The following CFAP100 variants were observed in gnomAD, a reference collection of about 807,000 sequenced individuals.
CFAP100 encodes the protein cilia and flagella associated protein 100.
A neutral mutation model predicts 81.5 loss-of-function variants in CFAP100; 70 were observed. The observed-to-expected ratio is 0.86, with a 90% CI of 0.71 to 1.05. The LOEUF is 1.05. Ranked by LOEUF, CFAP100 falls within the 50% of genes least tolerant of loss-of-function variation. The pLI is 0.00. For missense variants in CFAP100, 811 were observed against 776.5 expected (o/e 1.04, Z -0.53); for synonymous variants, 341 against 314.8 (o/e 1.08, Z -0.88).
intron 2 of CFAP100, among the ~76,000 whole-genome samples, chr3:126,406,477 A>G (rs2083065814): frequency 6.6e-6 from 1 of 152,132 alleles, no homozygotes; most frequent in African/African-American, 2.4e-5. Flanking sequence ...TCCGAGCTGC[A>G]AAGTATTCCT....
chr3:126,434,340 C>A lies in CFAP100; in HGVS notation c.1587C>A (p.Ile529=), dbSNP rs750998986. ...TGGAGCACGTGCCCCAGGTCAAGATCGAGCAGGCCGAGAGGGCAAAGGAGA... is the reference window on the plus strand; with the variant it reads ...TGGAGCACGTGCCCCAGGTCAAGATAGAGCAGGCCGAGAGGGCAAAGGAGA... ...ENLEHVPQVK[I]EQAERAKEKE... is the part of the protein sequence containing the mutation. The change falls in exon 15 of 17, where the codon ATC becomes ATA. Residue 529 remains isoleucine, a synonymous_variant. Coordinates refer to ENST00000352312, the MANE Select transcript of CFAP100 (RefSeq NM_182628.3). 2 of 1,614,020 alleles carry A rather than the reference C, an allele frequency of 1.2e-6. No individual in the cohort carries two copies. Among genetic ancestry groups the A allele is most frequent in the East Asian group, 2.2e-5 (1 of 44,870 alleles).
rs986037255 is a variant in CFAP100 at position 126,423,777 on chromosome 3, G to C, written c.1286+133G>C. 19 of 1,142,740 alleles carry C rather than the reference G, an allele frequency of 1.7e-5. No homozygotes were observed. The Middle Eastern group carries it at 1.5e-3, about 89-fold the overall frequency. 70.8% of individuals were successfully genotyped at this position (1,142,740 alleles called of 1,614,324 possible). A position where few individuals can be genotyped will look rare whatever the true frequency, so the allele number is the denominator to read the frequency against. ...TGGCCTGGTCCAGGTTGTCTGAAAA[G>C]CTCCGAGCGAAGCTCCGTTTGTGGG... On this transcript the variant is annotated intron_variant, in intron 13 of 16. Transcript: ENST00000352312.
chr3:126,418,780 C>A lies in CFAP100; in HGVS notation c.650+6C>A, dbSNP rs2083283016. On this transcript the variant is annotated splice_donor_region_variant and intron_variant, in intron 7 of 16. Coordinates refer to ENST00000352312, the MANE Select transcript of CFAP100 (RefSeq NM_182628.3). ...TCCGTGCAGGCCATGAGAGCGTGAGCCTGCGGGCCCGAGGGGCTGGCTGGG... is the reference window on the plus strand; with the variant it reads ...TCCGTGCAGGCCATGAGAGCGTGAGACTGCGGGCCCGAGGGGCTGGCTGGG... 1.3e-6 allele frequency: 2 copies of A among 1,578,296 alleles called. No individual in the cohort carries two copies. The highest frequency in any genetic ancestry group is 1.9e-5 in the Admixed American group (1 of 52,284).
chr3:126,419,983 C>T lies in CFAP100; in HGVS notation c.917C>T (p.Pro306Leu). Residue 306 changes from proline to leucine, a missense_variant, in exon 10 of 17, where the codon CCA becomes CTA. Pro to Leu is a moderately conservative substitution (Grantham distance 98, BLOSUM62 -3). Transcript: ENST00000352312. The part of the protein sequence containing the change: ...SVNSTPGDKG[P>L]GIKGKASSMW... ...GCCCCCCCTTTGCTTCCTGCAGGAC[C>T]AGGGATCAAGGGCAAGGCGAGCTCC... 1 of 1,613,096 alleles carries T rather than the reference C, an allele frequency of 6.2e-7. No individual in the cohort carries two copies. The highest frequency in any genetic ancestry group is 8.5e-7 in the Non-Finnish European group (1 of 1,179,964).
At chr3:126,419,839 G>C (rs1356184326) in intron 9 of CFAP100, 21 bp downstream of exon 9, 6 of 1,612,320 alleles carry the variant, frequency 3.7e-6, no homozygotes, top group Non-Finnish European at 4.2e-6. Flanking sequence ...AGAGAATGTG[G>C]GTTCCCAGGT....
At chr3:126,420,463 G>A (rs909052392) in intron 11 of CFAP100, among the ~76,000 whole-genome samples, 3 of 152,256 alleles carry the variant, frequency 2.0e-5, no homozygotes, top group African/African-American at 4.8e-5. Context: ...TGAGGCGGGT[G>A]AGCAGGTGTA....
At position 126,418,794 on chromosome 3, in the gene CFAP100, G is replaced by A; in HGVS notation, c.650+20G>A. On this transcript the variant is annotated intron_variant, in intron 7 of 16. Transcript: ENST00000352312. Reference sequence around the variant, plus strand: ...GAGAGCGTGAGCCTGCGGGCCCGAGGGGCTGGCTGGGCAATGCCGAACCCC... The same window carrying A: ...GAGAGCGTGAGCCTGCGGGCCCGAGAGGCTGGCTGGGCAATGCCGAACCCC... 6 of 1,557,496 alleles carry A rather than the reference G, an allele frequency of 3.9e-6. No individual in the cohort carries two copies. The highest frequency in any genetic ancestry group is 2.1e-5 in the Admixed American group (1 of 47,752).
chr3:126,415,541 A>T (rs998504485), intron 4 of CFAP100, among the ~76,000 whole-genome samples: 2 of 152,128 alleles, frequency 1.3e-5, no homozygotes, highest in African/African-American at 4.8e-5. Context: ...GACTGCAGTG[A>T]TGGGGACGTG....
chr3:126,396,879 T>A (rs984411211), intron 2 of CFAP100, among the ~76,000 whole-genome samples: 2 of 152,198 alleles, frequency 1.3e-5, no homozygotes, highest in Non-Finnish European at 2.9e-5. Context: ...GGAATTTAAT[T>A]TGGTTTTGAC....
chr3:126,405,296 A>G (rs2083045731), intron 2 of CFAP100, among the ~76,000 whole-genome samples: 1 of 152,154 alleles, frequency 6.6e-6, no homozygotes. Context: ...TTTGTGTGTA[A>G]GCAGGTGAGC....
chr3:126,408,119 G>T (rs186902629), intron 3 of CFAP100, among the ~76,000 whole-genome samples: 1 of 152,098 alleles, frequency 6.6e-6, no homozygotes, highest in South Asian at 2.1e-4. Flanking sequence ...TGGAGCCAAC[G>T]AGTTTCACAG....
chr3:126,414,034 A>C, intron 3 of CFAP100, 51 bp from the exon 4 acceptor site: 1 of 1,373,026 alleles, frequency 7.3e-7, no homozygotes, highest in Non-Finnish European at 1.0e-6. Context: ...GACAGAGACC[A>C]CCGCCTGGAA....
Position 126,433,059 on chromosome 3 carries a change from C to T in CFAP100, c.1287-10C>T. ...GTGACTGATGCCCTGCCGGTTTTCCCCTCTTCCAGGGACAGGGAGGTCAAC... is the reference window on the plus strand; with the variant it reads ...GTGACTGATGCCCTGCCGGTTTTCCTCTCTTCCAGGGACAGGGAGGTCAAC... On this transcript the variant is annotated splice_polypyrimidine_tract_variant and intron_variant, in intron 13 of 16. Coordinates refer to ENST00000352312, the MANE Select transcript of CFAP100 (RefSeq NM_182628.3). The T allele has an allele frequency of 3.1e-6, 5 of 1,613,872 alleles. No homozygotes were observed. Among genetic ancestry groups the T allele is most frequent in the Non-Finnish European group, 4.2e-6 (5 of 1,179,886 alleles).
intron 3 of CFAP100, among the ~76,000 whole-genome samples, chr3:126,411,327 G>A (rs538563558): frequency 1.4e-5 from 2 of 145,886 alleles, no homozygotes; most frequent in Non-Finnish European, 3.0e-5. Context: ...TGTTCATCAG[G>A]GAAACTGGTC....
intron 3 of CFAP100, among the ~76,000 whole-genome samples, chr3:126,411,574 A>G (rs988358589): frequency 2.0e-5 from 3 of 151,866 alleles, no homozygotes; most frequent in African/African-American, 7.3e-5. Context: ...TTTTTAAATT[A>G]TGGATTCAAT....
intron 2 of CFAP100, among the ~76,000 whole-genome samples, chr3:126,396,308 G>A (rs937458407): frequency 6.6e-6 from 1 of 152,300 alleles, no homozygotes; most frequent in East Asian, 1.9e-4. Flanking sequence ...TTGTCCAAAA[G>A]GCTAGGTCCC....
At chr3:126,395,682 T>C (rs1210651684) in intron 1 of CFAP100, among the ~76,000 whole-genome samples, 8 of 152,086 alleles carry the variant, frequency 5.3e-5, no homozygotes, top group Non-Finnish European at 1.2e-4. Context: ...CAGCTGGGTA[T>C]GGGAGAATAT....
At chr3:126,403,189 G>A (rs2083012831) in intron 2 of CFAP100, among the ~76,000 whole-genome samples, 1 of 152,124 alleles carries the variant, frequency 6.6e-6, no homozygotes, top group South Asian at 2.1e-4. Flanking sequence ...AGGCCCAGAG[G>A]TCAGGAGAGT....
At chr3:126,409,884 T>A (rs540736276) in intron 3 of CFAP100, among the ~76,000 whole-genome samples, 1 of 152,196 alleles carries the variant, frequency 6.6e-6, no homozygotes, top group African/African-American at 2.4e-5. Context: ...TTTCACTCTC[T>A]GAGTGGTGCT....
Sources: allele counts gnomAD v4.1 joint callset (sites outside exome capture counted in the v4.1 genomes callset), GRCh38; gene constraint gnomAD v4.1.1; transcripts MANE v1.5; gene names NCBI Gene and HGNC (gene_info 2026-07-23, HGNC 2026-07-21).